Variants in CD86 observed in about 807,000 individuals in gnomAD.
CD86 encodes T-lymphocyte activation antigen CD86.
CD86 carries 11 observed loss-of-function variants against 32.1 expected under a neutral mutation model. The observed-to-expected ratio is 0.34, with a 90% CI of 0.22 to 0.57. The LOEUF is 0.57. Ranked by LOEUF, CD86 falls within the 20% of genes least tolerant of loss-of-function variation. The pLI, the probability that CD86 is intolerant of heterozygous loss-of-function variation, is 0.86. For synonymous variants in CD86, 137 were observed against 135.3 expected (o/e 1.01, Z -0.09); for missense variants, 359 against 398.4 (o/e 0.90, Z 0.84).
intron 1 of CD86, among the ~76,000 whole-genome samples, chr3:122,066,775 A>G (rs1445388866): frequency 6.6e-6 from 1 of 152,182 alleles, no homozygotes; most frequent in Non-Finnish European, 1.5e-5. Flanking sequence ...GCAAAGGGAA[A>G]TGAAACACGT....
intron 1 of CD86, among the ~76,000 whole-genome samples, chr3:122,091,340 A>G (rs1244406988): frequency 1.3e-5 from 2 of 152,204 alleles, no homozygotes; most frequent in Admixed American, 1.3e-4. Flanking sequence ...CAGATCTGGA[A>G]GAAACATCTT....
intron 1 of CD86, 22 bp from the exon 2 acceptor site, chr3:122,091,578 AC>A (rs761287421): frequency 4.9e-6 from 7 of 1,439,274 alleles, no homozygotes; most frequent in Non-Finnish European, 6.4e-6. Context: ...ATCAAGTTTT[AC>A]CTTTTTTTTT....
At chr3:122,073,591 A>G (rs2107509593) in intron 1 of CD86, among the ~76,000 whole-genome samples, 1 of 152,298 alleles carries the variant, frequency 6.6e-6, no homozygotes, top group East Asian at 1.9e-4. Context: ...GTTCACTCTC[A>G]GGTGATGTCA....
At chr3:122,118,818 A>G (rs2073297309) in intron 6 of CD86, among the ~76,000 whole-genome samples, 1 of 152,264 alleles carries the variant, frequency 6.6e-6, no homozygotes, top group African/African-American at 2.4e-5. Flanking sequence ...AAATGTTGAA[A>G]GAATGATTGA....
chr3:122,064,159 G>A (rs550531028), intron 1 of CD86, among the ~76,000 whole-genome samples: 8 of 152,030 alleles, frequency 5.3e-5, no homozygotes, highest in African/African-American at 1.7e-4. Context: ...AGACAGTTGT[G>A]ACACAGGGTT....
intron 1 of CD86, among the ~76,000 whole-genome samples, chr3:122,079,174 G>T (rs1235290140): frequency 1.3e-5 from 2 of 152,146 alleles, no homozygotes; most frequent in African/African-American, 4.8e-5. Flanking sequence ...TGCTTTAAAG[G>T]GAAGGAAATT....
At chr3:122,061,703 A>G (rs1316401611) in intron 1 of CD86, among the ~76,000 whole-genome samples, 1 of 152,248 alleles carries the variant, frequency 6.6e-6, no homozygotes, top group African/African-American at 2.4e-5. Flanking sequence ...AAATGATGGC[A>G]GGATGCGGAG....
chr3:122,076,146 G>T (rs933709320), intron 1 of CD86, among the ~76,000 whole-genome samples: 3 of 152,058 alleles, frequency 2.0e-5, no homozygotes, highest in Admixed American at 6.6e-5. Flanking sequence ...TTAACACAAA[G>T]ATTTTTTTCT....
At chr3:122,057,575 C>T (rs2072256280) in intron 1 of CD86, among the ~76,000 whole-genome samples, 1 of 151,786 alleles carries the variant, frequency 6.6e-6, no homozygotes, top group South Asian at 2.1e-4. Flanking sequence ...AATTTGAATC[C>T]CATCTGTAGG....
At position 122,059,609 on chromosome 3, in the gene CD86, A is replaced by T. The variant is rs556990903; in HGVS notation, c.14+4106A>T. On this transcript the variant is annotated intron_variant, in intron 1 of 6. Coordinates refer to ENST00000330540, the MANE Select transcript of CD86 (RefSeq NM_175862.5). ...AAGAGGAGAATGCATTCATGGAAAGAGCATATTTACCAAGCTTTCCATGTT... is the reference window on the plus strand; with the variant it reads ...AAGAGGAGAATGCATTCATGGAAAGTGCATATTTACCAAGCTTTCCATGTT... Among the ~76,000 whole-genome samples the T allele has an allele frequency of 1.7e-4, 26 of 152,212 alleles. No homozygotes were observed. The East Asian group carries it at 5.0e-3, about 29-fold the overall frequency.
In CD86 at chr3:122,103,602, A is replaced by G. The variant is rs2073044996; in HGVS notation, c.155A>G (p.Glu52Gly). The G allele has an allele frequency of 6.2e-7, 1 of 1,613,730 alleles. No individual in the cohort carries two copies. The highest frequency in any genetic ancestry group is 8.5e-7 in the Non-Finnish European group (1 of 1,179,836). Residue 52 changes from glutamate (E) to glycine (G), a missense_variant, in exon 3 of 7, where the codon GAG becomes GGG. Glu to Gly is a moderately conservative substitution (Grantham distance 98). Coordinates refer to ENST00000330540, the MANE Select transcript of CD86 (RefSeq NM_175862.5). ...AACTCTCAAAACCAAAGCCTGAGTG[A>G]GCTAGTAGTATTTTGGCAGGACCAG... The part of the protein sequence containing the change: ...FANSQNQSLS[E>G]LVVFWQDQEN...
intron 1 of CD86, among the ~76,000 whole-genome samples, chr3:122,091,115 A>T (rs751971419): frequency 1.3e-5 from 2 of 152,272 alleles, no homozygotes; most frequent in African/African-American, 4.8e-5. Flanking sequence ...TACTGCAATA[A>T]TCAATCCCTC....
intron 4 of CD86, among the ~76,000 whole-genome samples, chr3:122,106,953 C>T (rs2073102298): frequency 6.6e-6 from 1 of 151,522 alleles, no homozygotes; most frequent in Non-Finnish European, 1.5e-5. Flanking sequence ...GGAGTGAAAA[C>T]AAAAAGATAT....
intron 2 of CD86, chr3:122,091,864 C>T (rs549985537): frequency 1.8e-5 from 10 of 551,138 alleles, no homozygotes; most frequent in African/African-American, 7.5e-5. Flanking sequence ...CTCTCCCCCC[C>T]GTGTGCTTCT....
intron 2 of CD86, among the ~76,000 whole-genome samples, chr3:122,093,291 G>T (rs149302564): frequency 2.6e-4 from 39 of 152,262 alleles, no homozygotes; most frequent in South Asian, 1.5e-3. Flanking sequence ...CCAAGTGCTA[G>T]AATTATATGC....
At chr3:122,068,445 C>A (rs1039529311) in intron 1 of CD86, among the ~76,000 whole-genome samples, 4 of 152,076 alleles carry the variant, frequency 2.6e-5, no homozygotes, top group Non-Finnish European at 5.9e-5. Flanking sequence ...AAGAAAATGG[C>A]AAATGTCATG....
intron 6 of CD86, among the ~76,000 whole-genome samples, chr3:122,119,144 C>T (rs1180758877): frequency 6.6e-6 from 1 of 152,116 alleles, no homozygotes; most frequent in Non-Finnish European, 1.5e-5. Flanking sequence ...TCCTGCCTAC[C>T]CTGTCACACT....
rs2073337298 is a variant in CD86 at position 122,121,039 on chromosome 3, T to C, written c.*1505T>C. On this transcript the variant is annotated 3_prime_UTR_variant, in exon 7 of 7. Transcript: ENST00000330540. ...AGCTTGTCCATGTAATATTCCCATG[T>C]TTTTACCCTGCCCCTGCCTTGATTA... 1 of 152,204 alleles carries C rather than the reference T, an allele frequency of 6.6e-6. No individual in the cohort carries two copies. Among genetic ancestry groups the C allele is most frequent in the South Asian group, 2.1e-4 (1 of 4,832 alleles). The allele number at this position is 152,204 out of a possible 1,614,324, so 9.4% of individuals were successfully genotyped here. A position where few individuals can be genotyped will look rare whatever the true frequency, so the allele number is the denominator to read the frequency against.
chr3:122,103,395 T>C, intron 2 of CD86, 117 bp from the exon 3 acceptor site: 1 of 699,228 alleles, frequency 1.4e-6, no homozygotes, highest in Admixed American at 2.9e-5. Context: ...GCTTAATATC[T>C]TATTCTTCAG....
Sources: allele counts gnomAD v4.1 joint callset (sites outside exome capture counted in the v4.1 genomes callset), GRCh38; gene constraint gnomAD v4.1.1; transcripts MANE v1.5; gene names NCBI Gene and HGNC (gene_info 2026-07-23, HGNC 2026-07-21).